PCCB: variants seen among roughly 807,000 people sequenced by gnomAD.
PCCB encodes propionyl-CoA carboxylase subunit beta.
A neutral mutation model predicts 60.7 loss-of-function variants in PCCB; 43 were observed. The observed-to-expected ratio is 0.71, with a 90% CI of 0.55 to 0.91. PCCB has a LOEUF of 0.91. Among genes scored for constraint, PCCB ranks in the 40% least tolerant of loss-of-function variants. PCCB has a pLI of 0.00. For synonymous variants in PCCB, 276 were observed against 255.9 expected (o/e 1.08, Z -0.75); for missense variants, 766 against 702.8 (o/e 1.09, Z -1.02).
chr3:136,293,502 A>G (rs1453776187), intron 6 of PCCB, among the ~76,000 whole-genome samples: 3 of 152,246 alleles, frequency 2.0e-5, no homozygotes, highest in Non-Finnish European at 2.9e-5. Context: ...CTACAGATGA[A>G]TGACCTTGAG....
intron 1 of PCCB, among the ~76,000 whole-genome samples, chr3:136,255,023 C>T (rs958518009): frequency 6.6e-6 from 1 of 152,018 alleles, no homozygotes; most frequent in Non-Finnish European, 1.5e-5. Context: ...AAGACAGGCG[C>T]ATGCCACCAC....
At chr3:136,255,412 C>G (rs141124476) in intron 1 of PCCB, 5 of 256,666 alleles carry the variant, frequency 1.9e-5, no homozygotes, top group Non-Finnish European at 3.1e-5. Context: ...TAGGGACCCT[C>G]GTGAGGTGAG....
intron 1 of PCCB, 87 bp downstream of exon 1, chr3:136,250,645 C>A (rs1056723902): frequency 2.1e-5 from 28 of 1,356,296 alleles, no homozygotes; most frequent in Non-Finnish European, 2.8e-5. Context: ...CGAGGCCTCC[C>A]TGCCAATCCG....
chr3:136,291,290 T>A (rs1206386529), intron 6 of PCCB, among the ~76,000 whole-genome samples: 1 of 152,200 alleles, frequency 6.6e-6, no homozygotes, highest in African/African-American at 2.4e-5. Context: ...TAATTGTAGT[T>A]GTTTCAAATT....
intron 9 of PCCB, among the ~76,000 whole-genome samples, chr3:136,312,024 G>C (rs1934687663): frequency 6.6e-6 from 1 of 152,172 alleles, no homozygotes; most frequent in African/African-American, 2.4e-5. Flanking sequence ...CTGTAAGTGG[G>C]GACTAGCCAT....
At chr3:136,321,904 G>A (rs556141499) in intron 10 of PCCB, among the ~76,000 whole-genome samples, 1 of 152,286 alleles carries the variant, frequency 6.6e-6, no homozygotes, top group Non-Finnish European at 1.5e-5. Context: ...CAGATTTTCT[G>A]TATGGACAAT....
chr3:136,315,689 T>C (rs903360428), intron 9 of PCCB, among the ~76,000 whole-genome samples: 2 of 151,750 alleles, frequency 1.3e-5, no homozygotes, highest in African/African-American at 4.8e-5. Flanking sequence ...TTTTTTTTTT[T>C]TGGTGGCATA....
At chr3:136,251,401 T>A (rs954705565) in intron 1 of PCCB, 2 of 445,502 alleles carry the variant, frequency 4.5e-6, no homozygotes, top group African/African-American at 4.0e-5. Flanking sequence ...GAAGTGAAAC[T>A]CTTACAGATG....
intron 8 of PCCB, among the ~76,000 whole-genome samples, chr3:136,300,702 A>G (rs1934235707): frequency 6.6e-6 from 1 of 152,178 alleles, no homozygotes; most frequent in Non-Finnish European, 1.5e-5. Flanking sequence ...TGTCTTGTTC[A>G]CTATAATGTC....
rs1317017233 is a variant in PCCB at position 136,260,536 on chromosome 3, G to T, written c.429+1G>T. The T allele has an allele frequency of 6.2e-7, 1 of 1,610,978 alleles. No individual in the cohort carries two copies. Among genetic ancestry groups the T allele is most frequent in the Non-Finnish European group, 8.5e-7 (1 of 1,177,256 alleles). ...AGCACATGCCCAAAAGATCTGCAAA[G>T]TAAGTGTTTAATACTCAAATTCAAT... On this transcript the variant is annotated splice_donor_variant, in intron 4 of 14. Coordinates refer to ENST00000251654, the MANE Select transcript of PCCB (RefSeq NM_000532.5). LOFTEE classifies it high-confidence loss of function.
chr3:136,280,697 G>A (rs1942452562), intron 5 of PCCB, among the ~76,000 whole-genome samples: 1 of 152,166 alleles, frequency 6.6e-6, no homozygotes, highest in Non-Finnish European at 1.5e-5. Flanking sequence ...GTCTTGCTGT[G>A]TCACGCAGAA....
At chr3:136,254,518 C>CTTTT (rs3994953) in intron 1 of PCCB, among the ~76,000 whole-genome samples, 1,783 of 45,866 alleles carry the variant, frequency 0.039, 326 homozygotes, top group East Asian at 0.31. Context: ...CTGCGGCTAG[C>CTTTT]TTTTTTTTTT....
intron 5 of PCCB, among the ~76,000 whole-genome samples, chr3:136,275,363 T>G (rs971088025): frequency 1.3e-5 from 2 of 152,154 alleles, no homozygotes; most frequent in African/African-American, 4.8e-5. Context: ...TATGTTGGTT[T>G]TCACCTTTCT....
intron 10 of PCCB, among the ~76,000 whole-genome samples, chr3:136,324,064 C>CTG (rs112955006): frequency 0.013 from 1,924 of 150,588 alleles, 32 homozygotes; most frequent in East Asian, 0.047. Context: ...TTTCCAGAGA[C>CTG]TATATTTTTT....
chr3:136,258,765 C>T (rs1438393737), intron 3 of PCCB, among the ~76,000 whole-genome samples: 3 of 152,036 alleles, frequency 2.0e-5, no homozygotes, highest in Non-Finnish European at 2.9e-5. Context: ...ATTCTCTGTC[C>T]TCTCAAGGTG....
chr3:136,252,588 T>G (rs1340402595), intron 1 of PCCB, among the ~76,000 whole-genome samples: 1 of 150,016 alleles, frequency 6.7e-6, no homozygotes, highest in Non-Finnish European at 1.5e-5. Flanking sequence ...AGGGCAGTGG[T>G]GTAATCATGG....
chr3:136,301,852 T>G lies in PCCB; in HGVS notation c.966+741T>G, dbSNP rs369339366. 1.3e-3 allele frequency among the ~76,000 whole-genome samples: 193 copies of G among 152,346 alleles called. 2 individuals are homozygous for G. The Middle Eastern group carries it at 0.034, about 27-fold the overall frequency. Reference sequence around the variant, plus strand: ...GTAACCTTAAGGTCTTCCTTAGGTCTTTTCTGAGCCTTTGCAGGGGCACGT... The same window carrying G: ...GTAACCTTAAGGTCTTCCTTAGGTCGTTTCTGAGCCTTTGCAGGGGCACGT... On this transcript the variant is annotated intron_variant, in intron 9 of 14. Coordinates refer to ENST00000251654, the MANE Select transcript of PCCB (RefSeq NM_000532.5).
chr3:136,251,194 C>G, intron 1 of PCCB: 1 of 456,350 alleles, frequency 2.2e-6, no homozygotes, highest in South Asian at 1.5e-5. Flanking sequence ...CGATGTTTGG[C>G]TGGACTGAGC....
intron 1 of PCCB, chr3:136,252,211 A>G: frequency 2.2e-6 from 1 of 450,870 alleles, no homozygotes; most frequent in Non-Finnish European, 4.5e-6. Context: ...ATTTTTGACC[A>G]TTTCCGTAGA....
Sources: allele counts gnomAD v4.1 joint callset (sites outside exome capture counted in the v4.1 genomes callset), GRCh38; gene constraint gnomAD v4.1.1; transcripts MANE v1.5; gene names NCBI Gene and HGNC (gene_info 2026-07-23, HGNC 2026-07-21).